Variants in DOCK7 observed in about 807,000 individuals in gnomAD.
The protein encoded by DOCK7 is dedicator of cytokinesis 7.
In DOCK7, 138 loss-of-function variants were observed where a neutral mutation model predicts 271.0. The observed-to-expected ratio is 0.51, with a 90% CI of 0.44 to 0.59. DOCK7 has a LOEUF of 0.59. Among genes scored for constraint, DOCK7 ranks in the 20% least tolerant of loss-of-function variants. The probability of loss-of-function intolerance (pLI) is 0.00; values close to 1 mark genes in which losing one functional copy is unlikely to be tolerated. For missense variants in DOCK7, 2,066 were observed against 2,592.4 expected (o/e 0.80, Z 4.41); for synonymous variants, 823 against 876.1 (o/e 0.94, Z 1.07).
intron 48 of DOCK7, among the ~76,000 whole-genome samples, chr1:62,462,480 A>G (rs1235094482): frequency 6.6e-6 from 1 of 152,228 alleles, no homozygotes; most frequent in Non-Finnish European, 1.5e-5. Context: ...CCAAAAACAT[A>G]GGCACATAAA....
intron 15 of DOCK7, among the ~76,000 whole-genome samples, chr1:62,585,976 T>A (rs1647452670): frequency 6.6e-6 from 1 of 152,180 alleles, no homozygotes; most frequent in African/African-American, 2.4e-5. Context: ...GTGAATCTAA[T>A]GTGCAGCCAA....
intron 11 of DOCK7, 66 bp from the exon 12 acceptor site, chr1:62,625,467 C>T: frequency 6.9e-7 from 1 of 1,454,858 alleles, no homozygotes; most frequent in Non-Finnish European, 9.4e-7. Flanking sequence ...AGTAGCTTTC[C>T]AAACACAAGG....
In DOCK7 at chr1:62,492,776, G is replaced by A. The variant is rs1372876462; in HGVS notation, c.5289C>T (p.Ile1763=). The change falls in exon 41 of 50, where the codon ATC becomes ATT. Residue 1763 remains isoleucine (I), a synonymous_variant. Coordinates refer to ENST00000635253, the MANE Select transcript of DOCK7 (RefSeq NM_001367561.1). ...ACTCAGTAAAGTATTTTCCAGAGCAGATACCTTCTTCATCTGGAGATACCA... is the reference window on the plus strand; with the variant it reads ...ACTCAGTAAAGTATTTTCCAGAGCAAATACCTTCTTCATCTGGAGATACCA... ...DDVVSPDEEG[I]CSGKYFTESG... is the part of the protein sequence containing the mutation. 3.7e-6 allele frequency: 6 copies of A among 1,613,826 alleles called. No individual in the cohort carries two copies.
intron 8 of DOCK7, 36 bp downstream of exon 8, chr1:62,636,501 A>G: frequency 6.7e-7 from 1 of 1,500,840 alleles, no homozygotes; most frequent in South Asian, 1.2e-5. Context: ...ACCAATGATT[A>G]TGACAAATAA....
chr1:62,679,070 G>A (rs1014193128), intron 1 of DOCK7, among the ~76,000 whole-genome samples: 1 of 151,960 alleles, frequency 6.6e-6, no homozygotes, highest in Admixed American at 6.6e-5. Flanking sequence ...AATAGAGGCG[G>A]CAGGGCAGAT....
intron 43 of DOCK7, chr1:62,484,509 A>G (rs1331010060): frequency 6.6e-6 from 1 of 152,130 alleles, no homozygotes; most frequent in African/African-American, 2.4e-5. Flanking sequence ...CCTGACCCTA[A>G]GATAGGGTCT....
intron 14 of DOCK7, among the ~76,000 whole-genome samples, chr1:62,592,941 T>C (rs1648679324): frequency 6.6e-6 from 1 of 152,222 alleles, no homozygotes; most frequent in Admixed American, 6.5e-5. Context: ...GCATTTTCTA[T>C]ACATACTGTT....
chr1:62,480,608 G>C (rs1646092234), intron 43 of DOCK7, among the ~76,000 whole-genome samples: 1 of 152,226 alleles, frequency 6.6e-6, no homozygotes. Context: ...AACACTGATA[G>C]AGGGTCAGGG....
intron 31 of DOCK7, among the ~76,000 whole-genome samples, chr1:62,519,629 A>C (rs1240681369): frequency 6.6e-6 from 1 of 152,176 alleles, no homozygotes; most frequent in African/African-American, 2.4e-5. Context: ...GTCACAGATG[A>C]CAGAAGGGAG....
intron 14 of DOCK7, among the ~76,000 whole-genome samples, chr1:62,590,568 G>C (rs772289604): frequency 6.6e-6 from 1 of 152,088 alleles, no homozygotes; most frequent in Non-Finnish European, 1.5e-5. Flanking sequence ...GTGGTCTAGA[G>C]GGGAAATCAG....
intron 37 of DOCK7, among the ~76,000 whole-genome samples, chr1:62,504,134 C>T (rs777484470): frequency 6.6e-6 from 1 of 151,362 alleles, no homozygotes; most frequent in Non-Finnish European, 1.5e-5. Flanking sequence ...ATATCAGAAC[C>T]AAGGAGACGC....
chr1:62,616,206 CT>C (rs1652409803), intron 14 of DOCK7, among the ~76,000 whole-genome samples: 2 of 151,838 alleles, frequency 1.3e-5, no homozygotes, highest in African/African-American at 4.8e-5. Context: ...AAACAACGTG[CT>C]GCCTTATTTG....
intron 14 of DOCK7, among the ~76,000 whole-genome samples, chr1:62,610,810 G>A (rs1651682456): frequency 6.6e-6 from 1 of 152,126 alleles, no homozygotes; most frequent in Non-Finnish European, 1.5e-5. Flanking sequence ...TTTTATGGCT[G>A]CATAGTATTC....
At chr1:62,506,036 G>C (rs1646926581) in intron 35 of DOCK7, among the ~76,000 whole-genome samples, 1 of 151,786 alleles carries the variant, frequency 6.6e-6, no homozygotes, top group South Asian at 2.1e-4. Flanking sequence ...ATTTAAATGA[G>C]AAAAAACAGG....
intron 2 of DOCK7, among the ~76,000 whole-genome samples, chr1:62,661,482 T>C (rs949035652): frequency 1.3e-5 from 2 of 151,948 alleles, no homozygotes; most frequent in Non-Finnish European, 2.9e-5. Context: ...ATATAGCATG[T>C]AAGTATATAT....
At chr1:62,525,516 G>A (rs1383548504) in intron 31 of DOCK7, among the ~76,000 whole-genome samples, 1 of 151,978 alleles carries the variant, frequency 6.6e-6, no homozygotes, top group East Asian at 1.9e-4. Context: ...TTTGTCATAT[G>A]TAGTATACTT....
At chr1:62,542,380 C>T (rs1021632463) in intron 25 of DOCK7, among the ~76,000 whole-genome samples, 1 of 151,994 alleles carries the variant, frequency 6.6e-6, no homozygotes, top group African/African-American at 2.4e-5. Context: ...TGCAACCATC[C>T]CTGAGAAAAT....
At chr1:62,510,264 T>C (rs754145605) in intron 34 of DOCK7, among the ~76,000 whole-genome samples, 9 of 152,206 alleles carry the variant, frequency 5.9e-5, no homozygotes, top group Non-Finnish European at 1.2e-4. Flanking sequence ...TTCTTTGTAA[T>C]ATTTGAAATA....
chr1:62,584,205 T>C (rs1647244156), intron 15 of DOCK7: 1 of 984,410 alleles, frequency 1.0e-6, no homozygotes, highest in Non-Finnish European at 1.2e-6. Context: ...TTTTGCAACA[T>C]TTCAAGCAGG....
Sources: gnomAD v4.1 joint callset for allele counts (sites outside exome capture counted in the v4.1 genomes callset) on GRCh38, gnomAD v4.1.1 for gene constraint, MANE v1.5 for transcripts, NCBI Gene and HGNC (gene_info 2026-07-23, HGNC 2026-07-21) for gene names.